Variants in COL19A1 observed in about 807,000 individuals in gnomAD.
The protein encoded by COL19A1 is collagen type XIX alpha 1 chain, also known as collagen alpha-1(XIX) chain.
A neutral mutation model predicts 190.2 loss-of-function variants in COL19A1; 159 were observed. The observed-to-expected ratio is 0.84, with a 90% confidence interval of 0.73 to 0.95. The LOEUF is 0.95. Among genes scored for constraint, COL19A1 ranks in the 40% least tolerant of loss-of-function variants. The probability of loss-of-function intolerance (pLI) is 0.00; values close to 1 mark genes in which losing one functional copy is unlikely to be tolerated. For missense variants in COL19A1, 1,418 were observed against 1,431.9 expected, an observed-to-expected ratio of 0.99 and a Z score of 0.16; for synonymous variants, 509 against 458.9, an observed-to-expected ratio of 1.11 and a Z score of -1.39.
At chr6:70,135,587 T>G (rs905669082) in intron 18 of COL19A1, among the ~76,000 whole-genome samples, 1 of 152,154 alleles carries the variant, frequency 6.6e-6, no homozygotes, top group Non-Finnish European at 1.5e-5. Context: ...CTGCCCACTG[T>G]GCACCGAAGC....
At chr6:70,047,964 T>C (rs973360577) in intron 14 of COL19A1, among the ~76,000 whole-genome samples, 2 of 152,162 alleles carry the variant, frequency 1.3e-5, no homozygotes, top group Non-Finnish European at 2.9e-5. Context: ...GGAAAATGGC[T>C]GTGTTGCTCT....
chr6:69,901,205 C>G (rs192003610), intron 4 of COL19A1, among the ~76,000 whole-genome samples: 1 of 152,294 alleles, frequency 6.6e-6, no homozygotes, highest in African/African-American at 2.4e-5. Flanking sequence ...TGTATGTTTT[C>G]CCTTCCTGGG....
At chr6:70,051,555 T>C (rs2150132747) in intron 14 of COL19A1, among the ~76,000 whole-genome samples, 1 of 152,238 alleles carries the variant, frequency 6.6e-6, no homozygotes, top group East Asian at 1.9e-4. Context: ...GCAGGCAAAC[T>C]TGCCCTTTGC....
chr6:69,923,315 A>C (rs1772123032), intron 4 of COL19A1, among the ~76,000 whole-genome samples: 3 of 152,186 alleles, frequency 2.0e-5, no homozygotes, highest in African/African-American at 7.2e-5. Context: ...GGTAGGCTTG[A>C]AAACCAGTAG....
chr6:70,056,065 A>C (rs1431868012), intron 14 of COL19A1, among the ~76,000 whole-genome samples: 1 of 151,696 alleles, frequency 6.6e-6, no homozygotes, highest in African/African-American at 2.4e-5. Context: ...TTCTGTGACT[A>C]CCTTTATTTT....
chr6:70,207,361 TTGC>T lies in COL19A1; in HGVS notation c.*89_*91del. ...CCGTCAAACCCTCATCATCTGTGGG[TTGC>T]TTTTTTTTTTTTTTTTTTTTTTTGG... On this transcript the variant is annotated 3_prime_UTR_variant, in exon 51 of 51. Coordinates refer to ENST00000620364, the MANE Select transcript of COL19A1 (RefSeq NM_001858.6). 1.3e-5 allele frequency: 10 copies of T among 747,514 alleles called. No individual in the cohort carries two copies. The highest frequency in any genetic ancestry group is 4.4e-5 in the East Asian group (1 of 22,752). The allele number at this position is 747,514 out of a possible 1,614,324, so 46.3% of individuals were successfully genotyped here.
At chr6:70,089,798 T>G (rs1324836278) in intron 15 of COL19A1, among the ~76,000 whole-genome samples, 1 of 152,156 alleles carries the variant, frequency 6.6e-6, no homozygotes, top group Non-Finnish European at 1.5e-5. Flanking sequence ...GTAGGACTAC[T>G]TACACAATGC....
At chr6:70,084,267 T>C (rs1782453052) in intron 15 of COL19A1, among the ~76,000 whole-genome samples, 1 of 152,182 alleles carries the variant, frequency 6.6e-6, no homozygotes, top group African/African-American at 2.4e-5. Context: ...AGACTTAATG[T>C]TGACTGGCAC....
chr6:70,031,770 C>T (rs1372755928), intron 12 of COL19A1, among the ~76,000 whole-genome samples: 1 of 152,052 alleles, frequency 6.6e-6, no homozygotes, highest in African/African-American at 2.4e-5. Context: ...CAAATGTCAC[C>T]ACCACACAAG....
intron 19 of COL19A1, among the ~76,000 whole-genome samples, chr6:70,140,428 A>G (rs1236439470): frequency 1.3e-5 from 2 of 152,002 alleles, no homozygotes; most frequent in East Asian, 3.9e-4. Context: ...GAATCCATGG[A>G]CACAGAACTT....
At chr6:70,098,122 C>G (rs1164997343) in intron 15 of COL19A1, among the ~76,000 whole-genome samples, 4 of 152,154 alleles carry the variant, frequency 2.6e-5, no homozygotes, top group African/African-American at 9.7e-5. Context: ...GGCCCTGGCC[C>G]CAGCTATCCT....
In COL19A1 at chr6:69,986,224, TA is replaced by T. The variant is rs1554184767; in HGVS notation, c.1026+23355del. On this transcript the variant is annotated intron_variant, in intron 11 of 50. Transcript: ENST00000620364. The stretch of plus-strand genomic sequence containing the variant: ...AATGTTAAATGACTTACACGTTTTA[TA>T]TATATATATATATATATATATATAT... Among the ~76,000 whole-genome samples, 7 of 9,706 alleles carry T rather than the reference TA, an allele frequency of 7.2e-4. 1 individual carries two copies. Among genetic ancestry groups the T allele is most frequent in the East Asian group, 0.056 (1 of 18 alleles). 6.4% of individuals were successfully genotyped at this position (9,706 alleles called of 152,430 possible).
At chr6:70,184,647 T>C (rs1168684257) in intron 44 of COL19A1, 56 bp from the exon 45 acceptor site, 10 of 1,365,742 alleles carry the variant, frequency 7.3e-6, no homozygotes, top group South Asian at 2.6e-5. Flanking sequence ...ATGCTTTTGT[T>C]GTGTTTAACT....
At chr6:69,925,131 T>G (rs1772274646) in intron 4 of COL19A1, among the ~76,000 whole-genome samples, 1 of 152,224 alleles carries the variant, frequency 6.6e-6, no homozygotes, top group South Asian at 2.1e-4. Context: ...TGCCATTGCT[T>G]TTGGTGTTTT....
intron 14 of COL19A1, among the ~76,000 whole-genome samples, chr6:70,043,619 G>A (rs1269202751): frequency 1.3e-5 from 2 of 152,190 alleles, no homozygotes; most frequent in Non-Finnish European, 2.9e-5. Flanking sequence ...CACCATCAGA[G>A]CCCTTGGGTT....
chr6:70,164,588 T>TA (rs1471593713), intron 36 of COL19A1, among the ~76,000 whole-genome samples: 1 of 152,198 alleles, frequency 6.6e-6, no homozygotes, highest in African/African-American at 2.4e-5. Context: ...CTATGGAAAT[T>TA]ATTCAGTCAT....
chr6:69,929,598 T>A lies in COL19A1; in HGVS notation c.564T>A (p.Asp188Glu). Reference sequence around the variant, plus strand: ...CCCAGGTCATTTCACTTTATATGGATTGTAATTTAATTGCGAGGAGGCAGA... The same window carrying A: ...CCCAGGTCATTTCACTTTATATGGAATGTAATTTAATTGCGAGGAGGCAGA... ...IQSQVISLYM[D>E]CNLIARRQTD... The change falls in exon 6 of 51, where the codon GAT becomes GAA. Residue 188 changes from aspartate to glutamate, a missense_variant. Asp to Glu is a conservative substitution (Grantham distance 45). Coordinates refer to ENST00000620364, the MANE Select transcript of COL19A1 (RefSeq NM_001858.6). 6.2e-7 allele frequency: 1 copy of A among 1,614,018 alleles called. No individual in the cohort carries two copies. The highest frequency in any genetic ancestry group is 8.5e-7 in the Non-Finnish European group (1 of 1,179,962).
At chr6:70,124,214 G>T (rs1253518502) in intron 17 of COL19A1, among the ~76,000 whole-genome samples, 1 of 152,126 alleles carries the variant, frequency 6.6e-6, no homozygotes, top group Non-Finnish European at 1.5e-5. Flanking sequence ...CACCTGTAAT[G>T]ACACCTGCTG....
At chr6:69,927,497 A>G (rs973934021) in intron 4 of COL19A1, among the ~76,000 whole-genome samples, 3 of 152,204 alleles carry the variant, frequency 2.0e-5, no homozygotes, top group African/African-American at 7.2e-5. Flanking sequence ...CAAGAATTTA[A>G]TATGAAAAAG....
Sources: allele counts gnomAD v4.1 joint callset (sites outside exome capture counted in the v4.1 genomes callset), GRCh38; gene constraint gnomAD v4.1.1; transcripts MANE v1.5; gene names NCBI Gene and HGNC (gene_info 2026-07-23, HGNC 2026-07-21).